The following ST14 variants were observed in gnomAD, a reference collection of about 807,000 sequenced individuals.
ST14 encodes suppressor of tumorigenicity 14 protein.
ST14 carries 40 observed loss-of-function variants against 96.5 expected under a neutral mutation model. The observed-to-expected ratio is 0.41, with a 90% CI of 0.32 to 0.54. The LOEUF (loss-of-function observed/expected upper bound fraction) is 0.54, where lower values mean the gene tolerates loss of function less well. ST14 is among the 20% of genes least tolerant of loss of function. The pLI is 0.17. For missense variants in ST14, 1,066 were observed against 1,188.9 expected (o/e 0.90, Z 1.52); for synonymous variants, 506 against 492.1 (o/e 1.03, Z -0.37).
At chr11:130,192,104 G>A (rs573969514) in intron 7 of ST14, among the ~76,000 whole-genome samples, 5 of 152,330 alleles carry the variant, frequency 3.3e-5, no homozygotes, top group South Asian at 2.1e-4. Context: ...GGTGCTGTGC[G>A]TGGTGGGTGA....
In ST14 at chr11:130,187,726, G is replaced by T. The variant is rs1198597340; in HGVS notation, c.82-388G>T. 6.6e-6 allele frequency among the ~76,000 whole-genome samples: 1 copy of T among 152,162 alleles called. No individual in the cohort carries two copies. The highest frequency in any genetic ancestry group is 1.5e-5 in the Non-Finnish European group (1 of 68,022). ...TACCAGTTGCCAGTCATGGGCCTGG[G>T]CTGGGGCCACTCTCCGGGGCACCCA... On this transcript the variant is annotated intron_variant, in intron 1 of 18. Coordinates refer to ENST00000278742, the MANE Select transcript of ST14 (RefSeq NM_021978.4). This position sits in a 1 kb window ranked among gnomAD's most constrained non-coding sequence, Gnocchi z 4.5.
chr11:130,205,417 C>T (rs965800075), intron 16 of ST14, among the ~76,000 whole-genome samples: 5 of 152,142 alleles, frequency 3.3e-5, no homozygotes, highest in African/African-American at 7.2e-5. Flanking sequence ...TGTGAGCCAC[C>T]GCACCTGGCT....
chr11:130,192,389 T>C (rs1377938817), intron 7 of ST14, among the ~76,000 whole-genome samples: 2 of 152,192 alleles, frequency 1.3e-5, no homozygotes, highest in East Asian at 1.9e-4. Flanking sequence ...AAATAACCAC[T>C]GTTAATTCTT....
chr11:130,207,323 G>T (rs1050514743), intron 16 of ST14, among the ~76,000 whole-genome samples: 3 of 152,158 alleles, frequency 2.0e-5, no homozygotes, highest in Non-Finnish European at 4.4e-5. Context: ...GGCCAAGGTG[G>T]GCTGGTCGTT....
chr11:130,161,149 G>T lies in ST14; in HGVS notation c.81+1089G>T, dbSNP rs375684793. Among the ~76,000 whole-genome samples, 11 of 152,196 alleles carry T rather than the reference G, an allele frequency of 7.2e-5. No homozygotes were observed. The East Asian group carries it at 7.7e-4, about 11-fold the overall frequency. On this transcript the variant is annotated intron_variant, in intron 1 of 18. Coordinates refer to ENST00000278742, the MANE Select transcript of ST14 (RefSeq NM_021978.4). ...AGCTTGCAGAAAATCAGACGCTGGGGCTTTGGAGGCTGCCTGCACCACAGA... is the reference window on the plus strand; with the variant it reads ...AGCTTGCAGAAAATCAGACGCTGGGTCTTTGGAGGCTGCCTGCACCACAGA...
In ST14 at chr11:130,190,426, C is replaced by T. The variant is rs369657421; in HGVS notation, c.635-28C>T. The T allele has an allele frequency of 1.5e-4, 235 of 1,604,476 alleles. No individual in the cohort carries two copies. In the African/African-American group the frequency reaches 2.7e-3, roughly 19 times the overall value. ...AGCTCTGCCCAGCCCTGCCCCCACA[C>T]GTGCCCTCCTTCTTGTCTCCTGCGC... On this transcript the variant is annotated intron_variant, in intron 6 of 18. Coordinates refer to ENST00000278742, the MANE Select transcript of ST14 (RefSeq NM_021978.4).
intron 16 of ST14, among the ~76,000 whole-genome samples, chr11:130,208,194 G>T (rs558451267): frequency 9.2e-5 from 14 of 152,356 alleles, no homozygotes; most frequent in Non-Finnish European, 1.3e-4. Context: ...TCAAGGAAGG[G>T]GGGGTAAAGA....
chr11:130,184,984 C>T (rs907120054), intron 1 of ST14, among the ~76,000 whole-genome samples: 12 of 152,334 alleles, frequency 7.9e-5, no homozygotes, highest in Middle Eastern at 3.4e-3. Flanking sequence ...TCACTTGTGT[C>T]CCCGCCAGTG....
At chr11:130,205,425 G>T (rs1953475163) in intron 16 of ST14, among the ~76,000 whole-genome samples, 1 of 152,204 alleles carries the variant, frequency 6.6e-6, no homozygotes, top group South Asian at 2.1e-4. Flanking sequence ...ACCGCACCTG[G>T]CTGTACAGTG....
At chr11:130,194,859 T>TGTGTGTGTGC (rs1953343848) in intron 9 of ST14, 122 bp downstream of exon 9, 1 of 119,468 alleles carries the variant, frequency 8.4e-6, no homozygotes, top group Non-Finnish European at 1.3e-5. Context: ...TGCATGTGTG[T>TGTGTGTGTGC]GTGTGTGTGT....
chr11:130,209,428 T>C lies in ST14; in HGVS notation c.2270-14T>C, dbSNP rs1162743607. 6.4e-7 allele frequency: 1 copy of C among 1,574,488 alleles called. No individual in the cohort carries two copies. Among genetic ancestry groups the C allele is most frequent in the African/African-American group, 1.3e-5 (1 of 74,478 alleles). On this transcript the variant is annotated splice_polypyrimidine_tract_variant and intron_variant, in intron 17 of 18. Coordinates refer to ENST00000278742, the MANE Select transcript of ST14 (RefSeq NM_021978.4). ...AGCAGCCCGGCTCTCAGCCCCGTCC[T>C]GCCCTCTCCCCAGGCACTGGCGCGC... is the stretch of plus-strand genomic sequence containing the variant.
intron 12 of ST14, 28 bp from the exon 13 acceptor site, chr11:130,198,280 C>A: frequency 6.2e-7 from 1 of 1,603,766 alleles, no homozygotes; most frequent in Non-Finnish European, 8.5e-7. Flanking sequence ...GAGGGCCTCA[C>A]GGCCGACCTC....
At chr11:130,191,521 C>T (rs185186242) in intron 7 of ST14, among the ~76,000 whole-genome samples, 2 of 152,032 alleles carry the variant, frequency 1.3e-5, no homozygotes, top group African/African-American at 2.4e-5. Context: ...GAAACCCTGT[C>T]TCTACTAAAA....
chr11:130,190,844 T>C (rs1953290569), intron 7 of ST14, 150 bp downstream of exon 7: 1 of 1,094,138 alleles, frequency 9.1e-7, no homozygotes, highest in African/African-American at 1.6e-5. Context: ...TGTGGTGTGA[T>C]CCTCAGCTGC....
Position 130,198,978 on chromosome 11 carries a change from C to T in ST14, c.1716C>T (p.Tyr572=), listed in dbSNP as rs1441049412. 6.2e-7 allele frequency: 1 copy of T among 1,614,136 alleles called. No homozygotes were observed. The highest frequency in any genetic ancestry group is 2.2e-5 in the East Asian group (1 of 44,882). ...VNVVTCTKHT[Y]RCLNGLCLSK... is the part of the protein sequence containing the mutation. ...TCGTCACTTGTACCAAACACACCTA[C>T]CGCTGCCTCAATGGGCTCTGCTTGA... The change falls in exon 15 of 19, where the codon TAC becomes TAT. Residue 572 remains tyrosine, a synonymous_variant. Coordinates refer to ENST00000278742, the MANE Select transcript of ST14 (RefSeq NM_021978.4).
At chr11:130,196,834 A>G (rs1415713018) in intron 11 of ST14, 134 bp downstream of exon 11, 2 of 1,367,866 alleles carry the variant, frequency 1.5e-6, no homozygotes, top group East Asian at 2.3e-5. Flanking sequence ...CCCCTCCCGT[A>G]GCTTTGGGAG....
chr11:130,174,191 G>A (rs1032703704), intron 1 of ST14, among the ~76,000 whole-genome samples: 1 of 152,102 alleles, frequency 6.6e-6, no homozygotes, highest in African/African-American at 2.4e-5. Context: ...CCACCTCTGA[G>A]GTCTCCCAAG....
In ST14 at chr11:130,196,576, C is replaced by T. The variant is rs563459140; in HGVS notation, c.1230C>T (p.Cys410=). Residue 410 remains cysteine, a synonymous_variant, in exon 11 of 19, where the codon TGC becomes TGT. Transcript: ENST00000278742. ...DYVEINGEKY[C]GERSQFVVTS... The stretch of plus-strand genomic sequence containing the variant: ...TGCCCCGCCCCCCCTCCAGATACTG[C>T]GGAGAGAGGTCCCAGTTCGTCGTCA... 4.6e-5 allele frequency: 73 copies of T among 1,580,128 alleles called. No homozygotes were observed. The highest frequency in any genetic ancestry group is 1.2e-4 in the South Asian group (11 of 90,372).
In ST14 at chr11:130,208,535, C is replaced by T. The variant is rs781657852; in HGVS notation, c.2120C>T (p.Thr707Ile). The T allele has an allele frequency of 6.2e-7, 1 of 1,614,236 alleles. No individual in the cohort carries two copies. Among genetic ancestry groups the T allele is most frequent in the South Asian group, 1.1e-5 (1 of 91,088 alleles). ...IISHPFFNDFTFDYDIALLEL... is the reference protein window; with the variant it reads ...IISHPFFNDFIFDYDIALLEL... ...TCCCACCCCTTCTTCAATGACTTCA[C>T]CTTCGACTATGACATCGCGCTGCTG... Residue 707 changes from threonine to isoleucine, a missense_variant, in exon 17 of 19, where the codon ACC becomes ATC. Transcript: ENST00000278742.
Sources: allele counts gnomAD v4.1 joint callset (sites outside exome capture counted in the v4.1 genomes callset), GRCh38; gene constraint gnomAD v4.1.1; non-coding constraint Gnocchi (gnomAD v3.1); transcripts MANE v1.5; gene names NCBI Gene and HGNC (gene_info 2026-07-23, HGNC 2026-07-21).